FMO2: variants seen among roughly 807,000 people sequenced by gnomAD.
The protein encoded by FMO2 is flavin-containing monooxygenase 2.
A neutral mutation model predicts 41.6 loss-of-function variants in FMO2; 33 were observed. That is an observed-to-expected ratio of 0.79 (90% CI 0.60 to 1.06). The LOEUF is 1.06. Ranked by LOEUF, FMO2 falls within the 50% of genes least tolerant of loss-of-function variation. The pLI is 0.00. For synonymous variants in FMO2, 214 were observed against 219.6 expected, an observed-to-expected ratio of 0.97 and a Z score of 0.23; for missense variants, 619 against 632.9, an observed-to-expected ratio of 0.98 and a Z score of 0.23.
chr1:171,198,435 TCTCA>T (rs1217457704), intron 4 of FMO2, among the ~76,000 whole-genome samples: 2 of 149,082 alleles, frequency 1.3e-5, no homozygotes, highest in East Asian at 3.9e-4. Context: ...TGAGATGGAG[TCTCA>T]CTGTCACCCA....
rs1433082247 is a variant in FMO2 at position 171,199,377 on chromosome 1, T to C, written c.516T>C (p.His172=). ...AGAGGTTCAAAGGCCAATATTTCCA[T>C]AGCCGCCAATACAAGCATCCAGATG... The part of the protein sequence containing the change: ...GMERFKGQYF[H]SRQYKHPDGF... Residue 172 remains histidine (H), a synonymous_variant, in exon 5 of 9, where the codon CAT becomes CAC. Transcript: ENST00000209929. The C allele has an allele frequency of 5.0e-6, 8 of 1,610,396 alleles. No homozygotes were observed. The highest frequency in any genetic ancestry group is 5.9e-6 in the Non-Finnish European group (7 of 1,178,454).
chr1:171,186,598 C>G (rs1204446510), intron 2 of FMO2, among the ~76,000 whole-genome samples: 1 of 152,140 alleles, frequency 6.6e-6, no homozygotes, highest in Non-Finnish European at 1.5e-5. Context: ...ATCATGAGAA[C>G]AGCATGAGGG....
Position 171,192,016 on chromosome 1 carries a change from C to G in FMO2, c.133-1319C>G, listed in dbSNP as rs138396061. ...TGTCACTGCATTCCAGCTTGGGCCA[C>G]AGAGTGAGACCCTGTCTCAAAAATA... On this transcript the variant is annotated intron_variant, in intron 2 of 8. Coordinates refer to ENST00000209929, the MANE Select transcript of FMO2 (RefSeq NM_001460.5). Among the ~76,000 whole-genome samples the G allele has an allele frequency of 1.9e-3, 296 of 152,150 alleles. 1 individual carries two copies. Among genetic ancestry groups the G allele is most frequent in the African/African-American group, 5.9e-3 (245 of 41,500 alleles).
Position 171,209,196 on chromosome 1 carries a change from G to GAAA in FMO2, c.*60_*62dup. ...ATCTTGTCAGTCACTACCTCCTAAAGAAAAAAAAAAAGGCTAGAAGAAAAA... is the reference window on the plus strand; with the variant it reads ...ATCTTGTCAGTCACTACCTCCTAAAGAAAAAAAAAAAAAAGGCTAGAAGAAAAA... On this transcript the variant is annotated 3_prime_UTR_variant, in exon 9 of 9. Coordinates refer to ENST00000209929, the MANE Select transcript of FMO2 (RefSeq NM_001460.5). 3.2e-6 allele frequency: 1 copy of GAAA among 313,570 alleles called. No individual in the cohort carries two copies. 19.4% of individuals were successfully genotyped at this position (313,570 alleles called of 1,614,324 possible). A position where few individuals can be genotyped will look rare whatever the true frequency, so the allele number is the denominator to read the frequency against.
intron 2 of FMO2, 84 bp from the exon 3 acceptor site, chr1:171,193,251 C>T: frequency 1.2e-6 from 1 of 819,374 alleles, no homozygotes; most frequent in Non-Finnish European, 2.0e-6. Context: ...AATCGCATTA[C>T]CCAGGGGTTA....
chr1:171,189,660 T>TC (rs1491260542), intron 2 of FMO2, among the ~76,000 whole-genome samples: 13 of 70,846 alleles, frequency 1.8e-4, no homozygotes, highest in African/African-American at 9.3e-4. Context: ...TTTTCTTTTC[T>TC]TTTTTTTTTT....
intron 4 of FMO2, among the ~76,000 whole-genome samples, chr1:171,198,354 A>G (rs184285399): frequency 2.0e-5 from 3 of 152,252 alleles, no homozygotes; most frequent in East Asian, 3.9e-4. Context: ...TTACACAATT[A>G]TAATAATAGC....
At chr1:171,205,857 TAGAC>T (rs1282127655) in intron 7 of FMO2, among the ~76,000 whole-genome samples, 1 of 152,202 alleles carries the variant, frequency 6.6e-6, no homozygotes, top group Non-Finnish European at 1.5e-5. Flanking sequence ...TTTAAAATAT[TAGAC>T]AGTCAAGAGA....
In FMO2 at chr1:171,196,706, G is replaced by A. The variant is rs773948951; in HGVS notation, c.379G>A (p.Val127Ile). Residue 127 changes from valine to isoleucine, a missense_variant, in exon 4 of 9, where the codon GTT becomes ATT. Val to Ile is a conservative substitution (Grantham distance 29). Coordinates refer to ENST00000209929, the MANE Select transcript of FMO2 (RefSeq NM_001460.5). ...TTTCTCATCCTCTGGCCAATGGAAG[G>A]TTGTCACTCAGAGCAACGGCAAGGA... ...PDFSSSGQWK[V>I]VTQSNGKEQS... 3.7e-6 allele frequency: 6 copies of A among 1,613,626 alleles called. No homozygotes were observed. Among genetic ancestry groups the A allele is most frequent in the Admixed American group, 3.3e-5 (2 of 59,982 alleles).
chr1:171,207,879 TA>T, intron 8 of FMO2, 89 bp downstream of exon 8: 3 of 844,988 alleles, frequency 3.6e-6, no homozygotes, highest in South Asian at 3.2e-5. Flanking sequence ...AGCTGCCTGA[TA>T]AAATGCAAAT....
intron 6 of FMO2, 119 bp from the exon 7 acceptor site, chr1:171,205,160 A>G: frequency 1.7e-6 from 1 of 589,040 alleles, no homozygotes; most frequent in Non-Finnish European, 3.0e-6. Flanking sequence ...GTTAAGTTAG[A>G]GTTTTACAGA....
intron 3 of FMO2, among the ~76,000 whole-genome samples, chr1:171,194,892 G>C (rs1479331995): frequency 6.6e-6 from 1 of 152,124 alleles, no homozygotes; most frequent in Non-Finnish European, 1.5e-5. Context: ...GTGAAAATTT[G>C]TATTTATAAA....
chr1:171,187,332 A>G (rs1052124125), intron 2 of FMO2, among the ~76,000 whole-genome samples: 1 of 152,208 alleles, frequency 6.6e-6, no homozygotes, highest in African/African-American at 2.4e-5. Flanking sequence ...TCATATCAGC[A>G]GAGACCATAT....
chr1:171,199,628 G>A, intron 5 of FMO2, 140 bp downstream of exon 5: 6 of 746,982 alleles, frequency 8.0e-6, no homozygotes, highest in South Asian at 5.7e-5. Context: ...TAGAAAATCT[G>A]GAAGTCAAGA....
Position 171,196,777 on chromosome 1 carries a change from C to T in FMO2, c.450C>T (p.His150=), listed in dbSNP as rs544016002. Reference sequence around the variant, plus strand: ...CAGTTATGGTTTGCAGTGGCCACCACATTCTACCTCATATCCCACTGAAGT... The same window carrying T: ...CAGTTATGGTTTGCAGTGGCCACCATATTCTACCTCATATCCCACTGAAGT... ...FDAVMVCSGH[H]ILPHIPLKSF... is the part of the protein sequence containing the mutation. Residue 150 remains histidine, a synonymous_variant, in exon 4 of 9, where the codon CAC becomes CAT. Coordinates refer to ENST00000209929, the MANE Select transcript of FMO2 (RefSeq NM_001460.5). 30 of 1,613,592 alleles carry T rather than the reference C, an allele frequency of 1.9e-5. 1 individual carries two copies. The highest frequency in any genetic ancestry group is 1.3e-4 in the African/African-American group (10 of 75,032).
chr1:171,192,561 A>AC (rs1312251847), intron 2 of FMO2, among the ~76,000 whole-genome samples: 1 of 152,008 alleles, frequency 6.6e-6, no homozygotes, highest in African/African-American at 2.4e-5. Context: ...GGAGATTGAG[A>AC]CCATTCTGGT....
intron 5 of FMO2, among the ~76,000 whole-genome samples, chr1:171,203,442 T>A (rs994856072): frequency 6.6e-6 from 1 of 152,188 alleles, no homozygotes; most frequent in Non-Finnish European, 1.5e-5. Context: ...TATACACTTA[T>A]ACTTGTGTAG....
At chr1:171,206,666 G>A (rs1226825092) in intron 7 of FMO2, among the ~76,000 whole-genome samples, 1 of 152,156 alleles carries the variant, frequency 6.6e-6, no homozygotes, top group African/African-American at 2.4e-5. Flanking sequence ...TCTTCAGCCC[G>A]GGGCACCAAT....
In FMO2 at chr1:171,205,439, G is replaced by C. The variant is rs1326305874; in HGVS notation, c.988G>C (p.Gly330Arg). 2 of 1,613,886 alleles carry C rather than the reference G, an allele frequency of 1.2e-6. No homozygotes were observed. Among genetic ancestry groups the C allele is most frequent in the Non-Finnish European group, 1.7e-6 (2 of 1,179,872 alleles). The change falls in exon 7 of 9, where the codon GGA becomes CGA. Residue 330 changes from glycine (G) to arginine (R), a missense_variant. Physicochemically the swap from Gly to Arg is moderately radical, Grantham distance 125. Coordinates refer to ENST00000209929, the MANE Select transcript of FMO2 (RefSeq NM_001460.5). ...CATTGATGTCATCATTTTTGCAACA[G>C]GATATAGTTTCTCTTTTCCCTTCCT... ...ENIDVIIFAT[G>R]YSFSFPFLED...
Sources: allele counts gnomAD v4.1 joint callset (sites outside exome capture counted in the v4.1 genomes callset), GRCh38; gene constraint gnomAD v4.1.1; transcripts MANE v1.5; gene names NCBI Gene and HGNC (gene_info 2026-07-23, HGNC 2026-07-21).